Variants in RFX8 observed in about 807,000 individuals in gnomAD.
The protein encoded by RFX8 is regulatory factor X8.
In RFX8, 46 loss-of-function variants were observed where a neutral mutation model predicts 54.6. That is an observed-to-expected ratio of 0.84 (90% CI 0.67 to 1.08). The LOEUF (loss-of-function observed/expected upper bound fraction) is 1.08. Among genes scored for constraint, RFX8 ranks in the 50% least tolerant of loss-of-function variants. The pLI is 0.00. For synonymous variants in RFX8, 192 were observed against 209.5 expected (o/e 0.92, Z 0.72); for missense variants, 536 against 562.3 (o/e 0.95, Z 0.47).
chr2:101,463,700 C>T (rs895618795), intron 2 of RFX8, among the ~76,000 whole-genome samples: 7 of 152,110 alleles, frequency 4.6e-5, no homozygotes, highest in Non-Finnish European at 7.4e-5. Flanking sequence ...AGACAGGGTC[C>T]GCCTGCCCCC....
chr2:101,405,927 T>G lies in RFX8; in HGVS notation c.928+16A>C. The G allele has an allele frequency of 6.9e-7, 1 of 1,442,096 alleles. No homozygotes were observed. The highest frequency in any genetic ancestry group is 9.4e-7 in the Non-Finnish European group (1 of 1,062,490). The allele number at this position is 1,442,096 out of a possible 1,614,324, so 89.3% of individuals were successfully genotyped here. A position where few individuals can be genotyped will look rare whatever the true frequency, so the allele number is the denominator to read the frequency against. ...AAAAGGTAGAATACAAAATACTTTC[T>G]TATTCTCTGACTTACCAAAACTATC... On this transcript the variant is annotated intron_variant, in intron 10 of 11. Coordinates refer to ENST00000428343, the MANE Select transcript of RFX8 (RefSeq NM_001145664.2).
intron 2 of RFX8, among the ~76,000 whole-genome samples, chr2:101,445,526 G>A (rs1688326085): frequency 6.6e-6 from 1 of 151,758 alleles, no homozygotes; most frequent in Admixed American, 6.6e-5. Context: ...CTGAATAGCT[G>A]GGACCGCAAG....
chr2:101,412,501 A>C (rs1686196083), intron 8 of RFX8, among the ~76,000 whole-genome samples: 1 of 152,236 alleles, frequency 6.6e-6, no homozygotes, highest in South Asian at 2.1e-4. Context: ...TGATGGGAGA[A>C]TGTGTCGACG....
At chr2:101,443,876 T>C (rs914730063) in intron 2 of RFX8, among the ~76,000 whole-genome samples, 7 of 152,074 alleles carry the variant, frequency 4.6e-5, no homozygotes, top group Non-Finnish European at 1.0e-4. Flanking sequence ...TGGTGACCCA[T>C]CTGCCCACAG....
chr2:101,410,578 G>C, intron 9 of RFX8, 41 bp downstream of exon 9: 1 of 1,051,994 alleles, frequency 9.5e-7, no homozygotes, highest in Non-Finnish European at 1.4e-6. Context: ...TATCTAGAAT[G>C]GTCAACACAC....
At chr2:101,451,161 C>T (rs961518703) in intron 2 of RFX8, among the ~76,000 whole-genome samples, 17 of 152,112 alleles carry the variant, frequency 1.1e-4, no homozygotes, top group African/African-American at 3.4e-4. Context: ...CAGCTTGTCC[C>T]GGCTTCAGAC....
At chr2:101,445,415 C>T (rs955616916) in intron 2 of RFX8, among the ~76,000 whole-genome samples, 16 of 151,714 alleles carry the variant, frequency 1.1e-4, no homozygotes, top group African/African-American at 3.4e-4. Context: ...TTTTTTGAGA[C>T]AGGGTCTTGC....
At chr2:101,432,921 G>A (rs1687569769) in intron 2 of RFX8, among the ~76,000 whole-genome samples, 1 of 152,184 alleles carries the variant, frequency 6.6e-6, no homozygotes, top group South Asian at 2.1e-4. Flanking sequence ...CCGTCCTCAG[G>A]TCATTTGCAT....
At chr2:101,472,375 T>TAC (rs1690053891) in intron 1 of RFX8, among the ~76,000 whole-genome samples, 1 of 152,142 alleles carries the variant, frequency 6.6e-6, no homozygotes, top group African/African-American at 2.4e-5. Context: ...GTGCTGGGAT[T>TAC]ACAGGCCTGA....
At chr2:101,411,589 G>A (rs1316841996) in intron 8 of RFX8, among the ~76,000 whole-genome samples, 1 of 152,104 alleles carries the variant, frequency 6.6e-6, no homozygotes, top group Non-Finnish European at 1.5e-5. Context: ...TTGGGAAGGG[G>A]ACCTTTTGGG....
chr2:101,461,262 C>CAAA (rs11350961), intron 2 of RFX8, among the ~76,000 whole-genome samples: 148 of 89,726 alleles, frequency 1.6e-3, no homozygotes, highest in East Asian at 2.7e-3. Context: ...GACTCCATCT[C>CAAA]AAAAAAAAAA....
Position 101,413,089 on chromosome 2 carries a change from G to T in RFX8, c.562-18C>A. On this transcript the variant is annotated intron_variant, in intron 7 of 11. Coordinates refer to ENST00000428343, the MANE Select transcript of RFX8 (RefSeq NM_001145664.2). ...CGCATAGTCTAAAGATAACAGGGAGGCATAATACTTAATTCAATCTGGTCA... is the reference window on the plus strand; with the variant it reads ...CGCATAGTCTAAAGATAACAGGGAGTCATAATACTTAATTCAATCTGGTCA... 1.9e-6 allele frequency: 3 copies of T among 1,543,110 alleles called. No individual in the cohort carries two copies. Among genetic ancestry groups the T allele is most frequent in the South Asian group, 1.2e-5 (1 of 82,294 alleles).
At chr2:101,405,339 G>A (rs1277780958) in intron 10 of RFX8, among the ~76,000 whole-genome samples, 2 of 151,956 alleles carry the variant, frequency 1.3e-5, no homozygotes, top group Admixed American at 1.3e-4. Context: ...TAGAGACAGG[G>A]TTTCACCATG....
chr2:101,397,512 T>C lies in RFX8; in HGVS notation c.*36A>G. 7.3e-7 allele frequency: 1 copy of C among 1,369,162 alleles called. No individual in the cohort carries two copies. 84.8% of individuals were successfully genotyped at this position (1,369,162 alleles called of 1,614,324 possible). A position where few individuals can be genotyped will look rare whatever the true frequency, so the allele number is the denominator to read the frequency against. On this transcript the variant is annotated 3_prime_UTR_variant, in exon 12 of 12. Coordinates refer to ENST00000428343, the MANE Select transcript of RFX8 (RefSeq NM_001145664.2). ...TTTAATATTTTTAAGAATGCAAGTC[T>C]ATCAGTTTTCTTATTCTCTATTCAA...
chr2:101,397,670 G>A lies in RFX8; in HGVS notation c.1300C>T (p.Leu434Phe). 6.4e-7 allele frequency: 1 copy of A among 1,551,350 alleles called. No individual in the cohort carries two copies. Among genetic ancestry groups the A allele is most frequent in the Non-Finnish European group, 8.7e-7 (1 of 1,146,836 alleles). The part of the protein sequence containing the change: ...ETTESAVKLS[L>F]PMGQEALITL... ...ATGAGGGCTTCTTGTCCCATAGGAA[G>A]GCTGAGTTTAACTGCGCTTTCAGTG... is the stretch of plus-strand genomic sequence containing the variant. Residue 434 changes from leucine (L) to phenylalanine (F), a missense_variant, in exon 12 of 12, where the codon CTT (leucine) becomes TTT (phenylalanine). Coordinates refer to ENST00000428343, the MANE Select transcript of RFX8 (RefSeq NM_001145664.2).
intron 11 of RFX8, among the ~76,000 whole-genome samples, chr2:101,401,610 C>T (rs369196850): frequency 6.6e-6 from 1 of 152,160 alleles, no homozygotes; most frequent in African/African-American, 2.4e-5. Context: ...CTAAGACAAT[C>T]GCTGTCAGTT....
At chr2:101,430,310 A>G (rs967431609) in intron 2 of RFX8, among the ~76,000 whole-genome samples, 4 of 152,214 alleles carry the variant, frequency 2.6e-5, no homozygotes, top group African/African-American at 9.7e-5. Context: ...GTCATGTGTT[A>G]TGGACTGAGT....
chr2:101,426,566 T>C lies in RFX8; in HGVS notation c.73-4094A>G, dbSNP rs187672392. On this transcript the variant is annotated intron_variant, in intron 2 of 11. Coordinates refer to ENST00000428343, the MANE Select transcript of RFX8 (RefSeq NM_001145664.2). Reference sequence around the variant, plus strand: ...AATACTGCATAATGACAAATATGTATAAACAAAAGCTATATCTAAAAAATG... The same window carrying C: ...AATACTGCATAATGACAAATATGTACAAACAAAAGCTATATCTAAAAAATG... Among the ~76,000 whole-genome samples, 69 of 152,276 alleles carry C rather than the reference T, an allele frequency of 4.5e-4. 1 individual carries two copies. The East Asian group carries it at 0.01, about 22-fold the overall frequency.
chr2:101,453,999 T>C (rs1688834079), intron 2 of RFX8, among the ~76,000 whole-genome samples: 2 of 152,184 alleles, frequency 1.3e-5, no homozygotes, highest in African/African-American at 4.8e-5. Context: ...GCTGCACCCA[T>C]CAACTTGTCA....
Sources: allele counts gnomAD v4.1 joint callset (sites outside exome capture counted in the v4.1 genomes callset), GRCh38; gene constraint gnomAD v4.1.1; transcripts MANE v1.5; gene names NCBI Gene and HGNC (gene_info 2026-07-23, HGNC 2026-07-21).